The following CCSER1 variants were observed in gnomAD, a reference collection of about 807,000 sequenced individuals.
CCSER1 encodes the protein serine-rich coiled-coil domain-containing protein 1.
Under a neutral mutation model 82.0 loss-of-function variants are expected in CCSER1, and 41 were observed. The ratio of observed to expected loss-of-function variants is 0.50; its 90% CI spans 0.39 to 0.65. The LOEUF is 0.65. CCSER1 is among the 30% of genes least tolerant of loss of function. The pLI, the probability that CCSER1 is intolerant of heterozygous loss-of-function variation, is 0.00. For synonymous variants in CCSER1, 414 were observed against 383.9 expected (o/e 1.08, Z -0.92); for missense variants, 1,119 against 1,064.2 (o/e 1.05, Z -0.72).
intron 8 of CCSER1, among the ~76,000 whole-genome samples, chr4:90,861,902 A>G (rs1765128050): frequency 7.4e-6 from 1 of 135,336 alleles, no homozygotes; most frequent in Non-Finnish European, 1.6e-5. Flanking sequence ...TGATATGATG[A>G]CTCATATATA....
intron 10 of CCSER1, among the ~76,000 whole-genome samples, chr4:91,221,980 A>G (rs556576595): frequency 6.6e-6 from 1 of 152,104 alleles, no homozygotes; most frequent in African/African-American, 2.4e-5. Flanking sequence ...AATATTCTGA[A>G]TCTATTAAAT....
chr4:91,521,797 C>T (rs1272707329), intron 10 of CCSER1, among the ~76,000 whole-genome samples: 3 of 152,072 alleles, frequency 2.0e-5, no homozygotes, highest in Admixed American at 2.0e-4. Context: ...ATCAGATGGG[C>T]AGATTGCAAA....
intron 1 of CCSER1, among the ~76,000 whole-genome samples, chr4:90,260,925 A>G (rs886128013): frequency 6.6e-6 from 1 of 152,108 alleles, no homozygotes; most frequent in Non-Finnish European, 1.5e-5. Context: ...CATGTTGGCC[A>G]GGCTGGTCTT....
chr4:90,536,783 T>G (rs1343482795), intron 5 of CCSER1, among the ~76,000 whole-genome samples: 4 of 152,232 alleles, frequency 2.6e-5, no homozygotes, highest in Non-Finnish European at 1.5e-5. Context: ...TTTGATGGAA[T>G]GAGGAAAATT....
chr4:90,777,091 C>G (rs998575026), intron 7 of CCSER1, among the ~76,000 whole-genome samples: 1 of 152,148 alleles, frequency 6.6e-6, no homozygotes, highest in East Asian at 1.9e-4. Flanking sequence ...AGCGGTGGCT[C>G]ATGCCTGTAA....
At chr4:90,865,010 A>G (rs551835790) in intron 8 of CCSER1, among the ~76,000 whole-genome samples, 53 of 152,190 alleles carry the variant, frequency 3.5e-4, no homozygotes, top group African/African-American at 1.2e-3. Flanking sequence ...TTTCAATGTC[A>G]TAAGACCCTT....
intron 10 of CCSER1, among the ~76,000 whole-genome samples, chr4:91,589,207 G>T (rs185915063): frequency 6.6e-6 from 1 of 151,502 alleles, no homozygotes; most frequent in Non-Finnish European, 1.5e-5. Context: ...AGGTAAATAC[G>T]TTACTTTTAG....
chr4:91,431,759 G>A (rs1257513906), intron 10 of CCSER1, among the ~76,000 whole-genome samples: 1 of 152,148 alleles, frequency 6.6e-6, no homozygotes, highest in Non-Finnish European at 1.5e-5. Flanking sequence ...GAGTCACCAA[G>A]CCCGGCCTCT....
intron 10 of CCSER1, among the ~76,000 whole-genome samples, chr4:91,442,829 TC>T (rs1755276329): frequency 6.6e-6 from 1 of 151,578 alleles, no homozygotes; most frequent in Admixed American, 6.6e-5. Context: ...AACAGACACT[TC>T]TAAAAAGAAG....
At chr4:91,271,818 C>T (rs1742055097) in intron 10 of CCSER1, among the ~76,000 whole-genome samples, 1 of 151,968 alleles carries the variant, frequency 6.6e-6, no homozygotes, top group African/African-American at 2.4e-5. Context: ...GCAATGGCAC[C>T]ATCTCAGCTA....
chr4:90,263,367 T>C (rs1724681357), intron 1 of CCSER1, among the ~76,000 whole-genome samples: 1 of 152,192 alleles, frequency 6.6e-6, no homozygotes, highest in African/African-American at 2.4e-5. Context: ...ACTTTAAGTC[T>C]CCCAGCATTG....
intron 1 of CCSER1, among the ~76,000 whole-genome samples, chr4:90,294,962 A>T (rs1311747799): frequency 6.6e-6 from 1 of 152,030 alleles, no homozygotes; most frequent in Non-Finnish European, 1.5e-5. Context: ...TCCGAATAGT[A>T]TATCACTTAC....
intron 4 of CCSER1, among the ~76,000 whole-genome samples, chr4:90,419,335 TCATA>T: frequency 6.6e-6 from 1 of 151,952 alleles, no homozygotes; most frequent in East Asian, 1.9e-4. Context: ...AGTAATCCTG[TCATA>T]CATTTGTATT....
In CCSER1 at chr4:91,598,900, A is replaced by G; in HGVS notation, c.2546A>G (p.Gln849Arg). 6.4e-7 allele frequency: 1 copy of G among 1,551,656 alleles called. No homozygotes were observed. Among genetic ancestry groups the G allele is most frequent in the East Asian group, 2.4e-5 (1 of 40,914 alleles). The change falls in exon 11 of 11, where the codon CAA becomes CGA. Residue 849 changes from glutamine to arginine, a missense_variant. Physicochemically the swap from Gln to Arg is conservative, Grantham distance 43. Transcript: ENST00000509176. ...LSTFLEKPKD[Q>R]VATARQHSTF... The stretch of plus-strand genomic sequence containing the variant: ...ACGTTCTTAGAGAAACCAAAGGACC[A>G]AGTTGCTACGGCCCGACAGCATTCG...
At chr4:91,395,689 T>C (rs1163720645) in intron 10 of CCSER1, among the ~76,000 whole-genome samples, 3 of 152,046 alleles carry the variant, frequency 2.0e-5, no homozygotes, top group East Asian at 3.9e-4. Context: ...AGGAATCTTA[T>C]TAATTTTATG....
At chr4:90,849,906 C>A (rs1214299483) in intron 8 of CCSER1, among the ~76,000 whole-genome samples, 1 of 152,048 alleles carries the variant, frequency 6.6e-6, no homozygotes, top group Non-Finnish European at 1.5e-5. Context: ...AAAATGTCCC[C>A]AGGGCATGTC....
At chr4:91,440,015 G>A (rs1322289985) in intron 10 of CCSER1, among the ~76,000 whole-genome samples, 2 of 151,626 alleles carry the variant, frequency 1.3e-5, no homozygotes, top group Non-Finnish European at 2.9e-5. Flanking sequence ...CAATAATAAT[G>A]GGAGATTTTA....
At chr4:91,078,850 A>G (rs776720941) in intron 9 of CCSER1, among the ~76,000 whole-genome samples, 10 of 152,236 alleles carry the variant, frequency 6.6e-5, no homozygotes, top group Non-Finnish European at 1.2e-4. Context: ...GATCAAATGA[A>G]TGAAATGTAG....
At chr4:91,489,944 G>C (rs973159437) in intron 10 of CCSER1, among the ~76,000 whole-genome samples, 3 of 152,004 alleles carry the variant, frequency 2.0e-5, no homozygotes, top group Admixed American at 6.6e-5. Flanking sequence ...GATATGAATA[G>C]ATATTTCTCA....
Sources: gnomAD v4.1 joint callset for allele counts (sites outside exome capture counted in the v4.1 genomes callset) on GRCh38, gnomAD v4.1.1 for gene constraint, MANE v1.5 for transcripts, NCBI Gene and HGNC (gene_info 2026-07-23, HGNC 2026-07-21) for gene names.